The following HYDIN variants were observed in gnomAD, a reference collection of about 807,000 sequenced individuals.
HYDIN encodes the protein axonemal central pair apparatus protein HYDIN.
In HYDIN, 132 loss-of-function variants were observed where a neutral mutation model predicts 403.9. That is an observed-to-expected ratio of 0.33 (90% CI 0.28 to 0.38). The LOEUF (loss-of-function observed/expected upper bound fraction) is 0.38, where lower values mean the gene tolerates loss of function less well. HYDIN is among the 10% of genes least tolerant of loss of function. The probability of loss-of-function intolerance (pLI) is 1.00; values close to 1 mark genes in which losing one functional copy is unlikely to be tolerated. For missense variants in HYDIN, 2,827 were observed against 5,009.5 expected, an observed-to-expected ratio of 0.56 and a Z score of 13.15; for synonymous variants, 1,202 against 1,891.7, an observed-to-expected ratio of 0.64 and a Z score of 9.46.
intron 43 of HYDIN, among the ~76,000 whole-genome samples, chr16:70,940,442 T>C (rs1459714511): frequency 6.6e-6 from 1 of 151,916 alleles, no homozygotes; most frequent in Non-Finnish European, 1.5e-5. Context: ...GTGCCTGGCA[T>C]GTTCATAGAT....
chr16:71,042,066 C>T lies in HYDIN; in HGVS notation c.2530-10149G>A, dbSNP rs575130750. On this transcript the variant is annotated intron_variant, in intron 18 of 85. Coordinates refer to ENST00000393567, the MANE Select transcript of HYDIN (RefSeq NM_001270974.2). ...CCATTGTTACAGTTTTCTAAGGATC[C>T]TTCCAGATATACTTTATGATCAATA... 7.0e-3 allele frequency among the ~76,000 whole-genome samples: 1,047 copies of T among 150,634 alleles called. 5 individuals are homozygous for T. The highest frequency in any genetic ancestry group is 0.024 in the African/African-American group (1,002 of 41,072).
chr16:70,833,092 A>C (rs759599542), intron 79 of HYDIN, 25 bp from the exon 80 acceptor site: 1 of 1,591,908 alleles, frequency 6.3e-7, no homozygotes, highest in Non-Finnish European at 8.6e-7. Flanking sequence ...AGAAGAAAAG[A>C]AAGAGAGTTT....
Position 70,834,021 on chromosome 16 carries a change from G to A in HYDIN, c.13545C>T (p.Leu4515=), listed in dbSNP as rs745603105. The A allele has an allele frequency of 1.2e-5, 20 of 1,605,464 alleles. No homozygotes were observed. The highest frequency in any genetic ancestry group is 3.3e-4 in the Middle Eastern group (2 of 6,034). The stretch of plus-strand genomic sequence containing the variant: ...CCTGGCAGCAGCCGCTAAGGAGGAA[G>A]AGGGGGCGCAGGAGCCCCATGCATT... ...FMECMGLLRP[L]FLLSGCCQAL... is the part of the protein sequence containing the mutation. The change falls in exon 79 of 86, where the codon CTC becomes CTT. Residue 4515 remains leucine, a synonymous_variant. Transcript: ENST00000393567.
rs944441747 is a variant in HYDIN, at chr16:70,992,691, G to A, written c.3645-481C>T. Among the ~76,000 whole-genome samples the A allele has an allele frequency of 5.9e-5, 9 of 151,414 alleles. No individual in the cohort carries two copies. In the East Asian group the frequency reaches 9.8e-4, roughly 17 times the overall value. On this transcript the variant is annotated intron_variant, in intron 23 of 85. Coordinates refer to ENST00000393567, the MANE Select transcript of HYDIN (RefSeq NM_001270974.2). ...GTTAGGGGCCTGGAAGTGCAGGCTC[G>A]GGTTTCTTACATGACCTTGCCTCCT...
In HYDIN at chr16:70,874,574, G is replaced by T; in HGVS notation, c.10679C>A (p.Ala3560Asp). 1 of 583,842 alleles carries T rather than the reference G, an allele frequency of 1.7e-6. No individual in the cohort carries two copies. The highest frequency in any genetic ancestry group is 2.9e-6 in the Non-Finnish European group (1 of 349,166). The allele number at this position is 583,842 out of a possible 1,614,324, so 36.2% of individuals were successfully genotyped here. A position where few individuals can be genotyped will look rare whatever the true frequency, so the allele number is the denominator to read the frequency against. ...PHVKAKKAHT[A>D]SLVVSPGDTA... ...ATCTCCAGGAGAAACAACCAAGGAG[G>T]CTGTGTGAGCTTTCTTTGCTGCAAA... is the stretch of plus-strand genomic sequence containing the variant. Residue 3560 changes from alanine to aspartate, a missense_variant, in exon 64 of 86, where the codon GCC (alanine) becomes GAC (aspartate). By Grantham distance (126) the Ala-to-Asp change is moderately radical. Coordinates refer to ENST00000393567, the MANE Select transcript of HYDIN (RefSeq NM_001270974.2).
At chr16:71,202,161 C>G (rs1334495521) in intron 1 of HYDIN, among the ~76,000 whole-genome samples, 1 of 152,188 alleles carries the variant, frequency 6.6e-6, no homozygotes, top group Non-Finnish European at 1.5e-5. Context: ...TTACTACAGC[C>G]ATCACACATG....
At chr16:70,861,321 G>C (rs367828388) in intron 69 of HYDIN, among the ~76,000 whole-genome samples, 1 of 151,866 alleles carries the variant, frequency 6.6e-6, no homozygotes, top group Non-Finnish European at 1.5e-5. Flanking sequence ...AGGTGGCCTA[G>C]GTGTGGGAGG....
intron 24 of HYDIN, 55 bp downstream of exon 24, chr16:70,992,015 C>T (rs1026052256): frequency 6.6e-5 from 107 of 1,609,638 alleles, no homozygotes; most frequent in Admixed American, 1.2e-4. Context: ...GAATGTAAGT[C>T]CGTGTAAAGA....
intron 18 of HYDIN, among the ~76,000 whole-genome samples, chr16:71,053,291 C>A (rs1173191644): frequency 6.6e-6 from 1 of 151,866 alleles, no homozygotes; most frequent in African/African-American, 2.4e-5. Flanking sequence ...TGAAAATGTA[C>A]CTATCTGAAG....
chr16:71,188,438 T>C (rs1046221668), intron 1 of HYDIN, among the ~76,000 whole-genome samples: 2 of 152,158 alleles, frequency 1.3e-5, no homozygotes, highest in African/African-American at 4.8e-5. Flanking sequence ...CACAGCTGGG[T>C]AGTGACAACA....
At chr16:71,079,787 C>T (rs1245488451) in intron 13 of HYDIN, 98 bp downstream of exon 13, 2 of 598,046 alleles carry the variant, frequency 3.3e-6, no homozygotes, top group Non-Finnish European at 6.0e-6. Flanking sequence ...CTTCCTATTC[C>T]AGTGCTGTGG....
At chr16:71,089,537 C>T (rs574259893) in intron 11 of HYDIN, among the ~76,000 whole-genome samples, 42 of 152,252 alleles carry the variant, frequency 2.8e-4, no homozygotes, top group African/African-American at 8.2e-4. Flanking sequence ...GTCAGGAACG[C>T]GGAAGCTGAG....
intron 59 of HYDIN, among the ~76,000 whole-genome samples, chr16:70,883,165 G>A (rs1567760951): frequency 6.6e-6 from 1 of 152,064 alleles, no homozygotes; most frequent in Non-Finnish European, 1.5e-5. Context: ...GAGGCAACTG[G>A]CCCACTATGC....
intron 18 of HYDIN, among the ~76,000 whole-genome samples, chr16:71,055,016 T>C (rs56263897): frequency 6.9e-3 from 1,046 of 152,174 alleles, no homozygotes; most frequent in African/African-American, 0.024. Flanking sequence ...TCATTTTCTG[T>C]ACTTCAGAAA....
chr16:71,158,703 A>G (rs2085884198), intron 6 of HYDIN, among the ~76,000 whole-genome samples: 2 of 128,112 alleles, frequency 1.6e-5, no homozygotes, highest in Admixed American at 8.3e-5. Flanking sequence ...TTTTTTTGAG[A>G]CATGGTTTTT....
chr16:71,177,881 C>T (rs770622399), intron 4 of HYDIN, among the ~76,000 whole-genome samples: 10 of 152,118 alleles, frequency 6.6e-5, no homozygotes, highest in Non-Finnish European at 1.3e-4. Context: ...TTGAAATAAA[C>T]CCTAATTTAT....
intron 10 of HYDIN, among the ~76,000 whole-genome samples, chr16:71,107,508 CAA>C (rs1156844563): frequency 6.7e-6 from 1 of 149,832 alleles, no homozygotes; most frequent in African/African-American, 2.5e-5. Flanking sequence ...AAAAAGTCGG[CAA>C]AAAAATGAAC....
chr16:71,065,194 C>A (rs2082222107), intron 15 of HYDIN, among the ~76,000 whole-genome samples: 1 of 152,194 alleles, frequency 6.6e-6, no homozygotes, highest in South Asian at 2.1e-4. Context: ...CCAATGCCAC[C>A]AGCATGTGGT....
At chr16:71,163,159 G>A (rs1345491314) in intron 5 of HYDIN, among the ~76,000 whole-genome samples, 2 of 128,460 alleles carry the variant, frequency 1.6e-5, no homozygotes, top group Non-Finnish European at 1.6e-5. Flanking sequence ...GTCTCGCTCT[G>A]TCGCCCAGGC....
Sources: allele counts gnomAD v4.1 joint callset (sites outside exome capture counted in the v4.1 genomes callset), GRCh38; gene constraint gnomAD v4.1.1; transcripts MANE v1.5; gene names NCBI Gene and HGNC (gene_info 2026-07-23, HGNC 2026-07-21).